The following CAMTA1 variants were observed in gnomAD, a reference collection of about 807,000 sequenced individuals.
The protein encoded by CAMTA1 is calmodulin binding transcription activator 1, also known as calmodulin-binding transcription activator 1.
Under a neutral mutation model 170.9 loss-of-function variants are expected in CAMTA1, and 27 were observed. That is an observed-to-expected ratio of 0.16 (90% confidence interval 0.12 to 0.22). The LOEUF is 0.22. Among genes scored for constraint, CAMTA1 ranks in the 10% least tolerant of loss-of-function variants. The pLI is 1.00. For synonymous variants in CAMTA1, 833 were observed against 891.5 expected, an observed-to-expected ratio of 0.93 and a Z score of 1.17; for missense variants, 1,619 against 2,217.2, an observed-to-expected ratio of 0.73 and a Z score of 5.42.
intron 6 of CAMTA1, among the ~76,000 whole-genome samples, chr1:7,612,882 C>T (rs1015321328): frequency 6.6e-6 from 1 of 152,190 alleles, no homozygotes; most frequent in Non-Finnish European, 1.5e-5. Flanking sequence ...AGTGATTCTG[C>T]AGAAACAGAT....
At chr1:7,354,766 G>A (rs1467367633) in intron 5 of CAMTA1, among the ~76,000 whole-genome samples, 1 of 152,198 alleles carries the variant, frequency 6.6e-6, no homozygotes, top group Non-Finnish European at 1.5e-5. Flanking sequence ...CTTCTGACAG[G>A]TGTGTGATGG....
intron 6 of CAMTA1, among the ~76,000 whole-genome samples, chr1:7,617,080 G>C (rs895815314): frequency 6.6e-6 from 1 of 152,160 alleles, no homozygotes; most frequent in South Asian, 2.1e-4. Context: ...CCCTTCCCGC[G>C]GGGGAAATGA....
chr1:7,117,744 C>T (rs569445993), intron 4 of CAMTA1, among the ~76,000 whole-genome samples: 1 of 152,298 alleles, frequency 6.6e-6, no homozygotes, highest in East Asian at 1.9e-4. Context: ...CAGCATATCT[C>T]AGCCATAATT....
At chr1:7,271,948 A>G (rs1021997155) in intron 5 of CAMTA1, among the ~76,000 whole-genome samples, 2 of 152,164 alleles carry the variant, frequency 1.3e-5, no homozygotes, top group African/African-American at 4.8e-5. Flanking sequence ...AAAAACAGAG[A>G]TATTAAATTT....
At chr1:7,046,458 G>A (rs1339064219) in intron 3 of CAMTA1, among the ~76,000 whole-genome samples, 1 of 152,210 alleles carries the variant, frequency 6.6e-6, no homozygotes, top group Non-Finnish European at 1.5e-5. Flanking sequence ...GGTTCTTGTG[G>A]CTGAAATTGG....
intron 4 of CAMTA1, among the ~76,000 whole-genome samples, chr1:7,187,451 A>G (rs932922306): frequency 1.3e-5 from 2 of 152,164 alleles, no homozygotes; most frequent in African/African-American, 4.8e-5. Context: ...TCGTTACTTA[A>G]CAAAATAAAA....
intron 5 of CAMTA1, among the ~76,000 whole-genome samples, chr1:7,428,326 G>A (rs2091972216): frequency 6.6e-6 from 1 of 152,064 alleles, no homozygotes; most frequent in Non-Finnish European, 1.5e-5. Flanking sequence ...GGGTGTAGGA[G>A]GCGCTCACTG....
At chr1:7,201,039 T>C (rs1428375090) in intron 4 of CAMTA1, among the ~76,000 whole-genome samples, 1 of 152,216 alleles carries the variant, frequency 6.6e-6, no homozygotes, top group Admixed American at 6.5e-5. Flanking sequence ...AGCCATCACT[T>C]CACTATCTCC....
In CAMTA1 at chr1:7,482,285, A is replaced by C. The variant is rs1412011217; in HGVS notation, c.510+14384A>C. 6.6e-6 allele frequency among the ~76,000 whole-genome samples: 1 copy of C among 152,168 alleles called. No homozygotes were observed. Among genetic ancestry groups the C allele is most frequent in the African/African-American group, 2.4e-5 (1 of 41,432 alleles). ...GAGTGCCTGGAGCCATGCCTAGCAC[A>C]TAAGTACTTGTTTATTGGATAGGTG... On this transcript the variant is annotated intron_variant, in intron 6 of 22. Transcript: ENST00000303635. The surrounding 1 kb of genome is among the most constrained non-coding windows in gnomAD (Gnocchi z 4.2).
chr1:6,937,356 T>C, intron 3 of CAMTA1, among the ~76,000 whole-genome samples: 1 of 147,178 alleles, frequency 6.8e-6, no homozygotes, highest in South Asian at 2.2e-4. Flanking sequence ...ACCACCGTCA[T>C]CACCATCACC....
intron 3 of CAMTA1, among the ~76,000 whole-genome samples, chr1:6,827,240 C>T (rs536776403): frequency 3.9e-5 from 6 of 152,032 alleles, no homozygotes; most frequent in African/African-American, 7.2e-5. Flanking sequence ...GGTAGAGGAG[C>T]GTATGTTCTG....
At chr1:7,364,972 G>T (rs893794392) in intron 5 of CAMTA1, among the ~76,000 whole-genome samples, 1 of 152,264 alleles carries the variant, frequency 6.6e-6, no homozygotes, top group African/African-American at 2.4e-5. Context: ...TTCTGTAGTG[G>T]ATGTCCTTAG....
chr1:7,264,794 A>G (rs1042056766), intron 5 of CAMTA1, among the ~76,000 whole-genome samples: 16 of 152,144 alleles, frequency 1.1e-4, no homozygotes, highest in Admixed American at 2.6e-4. Flanking sequence ...GTTCAGTGTA[A>G]TTTTCCTTTC....
At chr1:7,412,328 C>T (rs1334390023) in intron 5 of CAMTA1, among the ~76,000 whole-genome samples, 1 of 151,714 alleles carries the variant, frequency 6.6e-6, no homozygotes, top group Non-Finnish European at 1.5e-5. Flanking sequence ...CCTGAGGAAT[C>T]GCCACACTGA....
chr1:7,074,116 T>G (rs542384665), intron 3 of CAMTA1, among the ~76,000 whole-genome samples: 39 of 152,318 alleles, frequency 2.6e-4, no homozygotes, highest in African/African-American at 8.9e-4. Flanking sequence ...GTAATCTCTG[T>G]TACTTTACCC....
At chr1:7,412,653 T>TA (rs1157843376) in intron 5 of CAMTA1, among the ~76,000 whole-genome samples, 3 of 152,204 alleles carry the variant, frequency 2.0e-5, no homozygotes, top group Non-Finnish European at 4.4e-5. Context: ...TTCTGGTTAT[T>TA]AGCCCTTTGT....
In CAMTA1 at chr1:7,638,467, C is replaced by G. The variant is rs143302438; in HGVS notation, c.511-1933C>G. On this transcript the variant is annotated intron_variant, in intron 6 of 22. Coordinates refer to ENST00000303635, the MANE Select transcript of CAMTA1 (RefSeq NM_015215.4). ...ACCAGCCTGACCAATATGGTGAAAC[C>G]CCGTCTCTACTAAAAATACAAAAAT... Among the ~76,000 whole-genome samples the G allele has an allele frequency of 4.8e-3, 735 of 152,128 alleles. 9 individuals carry two copies. Among genetic ancestry groups the G allele is most frequent in the African/African-American group, 0.017 (709 of 41,502 alleles).
rs763379967 is a variant in CAMTA1 at position 7,561,738 on chromosome 1, G to T, written c.511-78662G>T. Among the ~76,000 whole-genome samples, 17 of 151,818 alleles carry T rather than the reference G, an allele frequency of 1.1e-4. No homozygotes were observed. Among genetic ancestry groups the T allele is most frequent in the Non-Finnish European group, 1.6e-4 (11 of 67,950 alleles). On this transcript the variant is annotated intron_variant, in intron 6 of 22. Transcript: ENST00000303635. The surrounding 1 kb of genome is among the most constrained non-coding windows in gnomAD (Gnocchi z 5.3). ...CTGTGTTAGATTCTTCACGACGCCTGTCAGAGGCCACCCCTCCCCAGCCCA... is the reference window on the plus strand; with the variant it reads ...CTGTGTTAGATTCTTCACGACGCCTTTCAGAGGCCACCCCTCCCCAGCCCA...
chr1:6,825,911 TGTG>T (rs1647047863), intron 3 of CAMTA1, among the ~76,000 whole-genome samples: 1 of 152,200 alleles, frequency 6.6e-6, no homozygotes, highest in Non-Finnish European at 1.5e-5. Flanking sequence ...ACCCGTTTAG[TGTG>T]GTGATGAGAA....
Sources: gnomAD v4.1 joint callset for allele counts (sites outside exome capture counted in the v4.1 genomes callset) on GRCh38, gnomAD v4.1.1 for gene constraint, Gnocchi (gnomAD v3.1) non-coding constraint, MANE v1.5 for transcripts, NCBI Gene and HGNC (gene_info 2026-07-23, HGNC 2026-07-21) for gene names.